The following ZMIZ1 variants were observed in gnomAD, a reference collection of about 807,000 sequenced individuals.
The protein encoded by ZMIZ1 is zinc finger MIZ domain-containing protein 1.
In ZMIZ1, 17 loss-of-function variants were observed where a neutral mutation model predicts 113.9. The ratio of observed to expected loss-of-function variants is 0.15; its 90% CI spans 0.10 to 0.22. ZMIZ1 has a LOEUF of 0.22. Ranked by LOEUF, ZMIZ1 falls within the 10% of genes least tolerant of loss-of-function variation. ZMIZ1 has a pLI of 1.00. For missense variants in ZMIZ1, 1,059 were observed against 1,477.8 expected (o/e 0.72, Z 4.65); for synonymous variants, 607 against 603.1 (o/e 1.01, Z -0.09).
intron 3 of ZMIZ1, among the ~76,000 whole-genome samples, chr10:79,159,183 G>A (rs1050029595): frequency 5.9e-5 from 9 of 152,148 alleles, no homozygotes; most frequent in East Asian, 1.9e-4. Flanking sequence ...ACAAAAGAGC[G>A]CTCCCCTCCA....
intron 7 of ZMIZ1, among the ~76,000 whole-genome samples, chr10:79,246,964 C>T (rs539211334): frequency 2.6e-5 from 4 of 152,332 alleles, no homozygotes; most frequent in South Asian, 2.1e-4. Context: ...CCAGTGGGAA[C>T]GTGTGGTTTA....
chr10:79,139,304 G>A (rs920681053), intron 2 of ZMIZ1, among the ~76,000 whole-genome samples: 2 of 152,166 alleles, frequency 1.3e-5, no homozygotes, highest in African/African-American at 4.8e-5. Flanking sequence ...GCCACGGCAA[G>A]GGCTTTGTAC....
At chr10:79,111,233 G>A (rs1173115538) in intron 1 of ZMIZ1, among the ~76,000 whole-genome samples, 3 of 152,200 alleles carry the variant, frequency 2.0e-5, no homozygotes, top group Admixed American at 6.5e-5. Flanking sequence ...GGCCAGGGCA[G>A]GGAGGAGACA....
At chr10:79,175,090 G>T (rs1300992955) in intron 4 of ZMIZ1, among the ~76,000 whole-genome samples, 1 of 152,210 alleles carries the variant, frequency 6.6e-6, no homozygotes, top group Non-Finnish European at 1.5e-5. Flanking sequence ...AGAGCAAGGG[G>T]GTCCTCGCAA....
At chr10:79,091,205 A>G (rs1842973491) in intron 1 of ZMIZ1, among the ~76,000 whole-genome samples, 1 of 152,096 alleles carries the variant, frequency 6.6e-6, no homozygotes, top group Non-Finnish European at 1.5e-5. Context: ...CATGATGTGC[A>G]ATGGCAGCTG....
At chr10:79,156,457 G>A (rs957585495) in intron 3 of ZMIZ1, among the ~76,000 whole-genome samples, 1 of 152,182 alleles carries the variant, frequency 6.6e-6, no homozygotes, top group Admixed American at 6.5e-5. Flanking sequence ...TTTCTCACCT[G>A]GTGTTCCTGC....
chr10:79,196,815 G>C lies in ZMIZ1; in HGVS notation c.-49-4769G>C, dbSNP rs12218340. Among the ~76,000 whole-genome samples the C allele has an allele frequency of 4.6e-5, 7 of 152,360 alleles. No homozygotes were observed. In the East Asian group the frequency reaches 9.7e-4, roughly 21 times the overall value. On this transcript the variant is annotated intron_variant, in intron 4 of 24. Transcript: ENST00000334512. ...TGTCAGGAGAAAGTTCCTCTTGAGA[G>C]GTAGACCCTTATGGGTCACTGACTT...
intron 7 of ZMIZ1, among the ~76,000 whole-genome samples, chr10:79,250,043 G>C (rs1850452376): frequency 6.6e-6 from 1 of 152,230 alleles, no homozygotes; most frequent in Non-Finnish European, 1.5e-5. Context: ...GAGTAAATGA[G>C]ATGGGGCTAA....
At chr10:79,078,530 C>T (rs1842551734) in intron 1 of ZMIZ1, among the ~76,000 whole-genome samples, 1 of 149,864 alleles carries the variant, frequency 6.7e-6, no homozygotes, top group Admixed American at 6.6e-5. Context: ...GTTTGCTTCA[C>T]TCAGCCTTTC....
At chr10:79,277,752 C>T (rs1229011655) in intron 8 of ZMIZ1, among the ~76,000 whole-genome samples, 2 of 152,204 alleles carry the variant, frequency 1.3e-5, no homozygotes, top group East Asian at 3.9e-4. Flanking sequence ...GGGCTGGGTC[C>T]ACCAGAAGCC....
rs148371013 is a variant in ZMIZ1, at chr10:79,074,260, A to G, written c.-337+4990A>G. Among the ~76,000 whole-genome samples, 668 of 152,324 alleles carry G rather than the reference A, an allele frequency of 4.4e-3. 7 individuals are homozygous for G. The highest frequency in any genetic ancestry group is 0.016 in the African/African-American group (649 of 41,568). ...CCAACCCCTGCGCTGCCTCCTTTCC[A>G]GTCCACTGAGTGAGCGCTCCAGCCA... On this transcript the variant is annotated intron_variant, in intron 1 of 24. Coordinates refer to ENST00000334512, the MANE Select transcript of ZMIZ1 (RefSeq NM_020338.4).
At chr10:79,261,508 T>C (rs1851269790) in intron 7 of ZMIZ1, among the ~76,000 whole-genome samples, 1 of 152,198 alleles carries the variant, frequency 6.6e-6, no homozygotes, top group Non-Finnish European at 1.5e-5. Context: ...GAGCCTGGCC[T>C]GAACTGCAGA....
intron 17 of ZMIZ1, among the ~76,000 whole-genome samples, chr10:79,301,410 C>T (rs919043284): frequency 1.3e-5 from 2 of 152,056 alleles, no homozygotes; most frequent in Non-Finnish European, 2.9e-5. Context: ...CTTAGAGTCA[C>T]GTATGGGGGT....
At chr10:79,210,235 C>A (rs925307797) in intron 6 of ZMIZ1, among the ~76,000 whole-genome samples, 2 of 152,216 alleles carry the variant, frequency 1.3e-5, no homozygotes, top group African/African-American at 4.8e-5. Flanking sequence ...TGCCCCGAGC[C>A]TGACCCTGTC....
chr10:79,186,897 C>T (rs1048083328), intron 4 of ZMIZ1, among the ~76,000 whole-genome samples: 1 of 152,226 alleles, frequency 6.6e-6, no homozygotes, highest in African/African-American at 2.4e-5. Context: ...TGCCCACTCT[C>T]TTAACCATCT....
At chr10:79,232,087 T>C (rs1849416902) in intron 7 of ZMIZ1, among the ~76,000 whole-genome samples, 1 of 152,216 alleles carries the variant, frequency 6.6e-6, no homozygotes, top group East Asian at 1.9e-4. Context: ...TTTAGAGCTG[T>C]GTGACTTTAA....
Position 79,311,060 on chromosome 10 carries a change from G to T in ZMIZ1, c.2972G>T (p.Arg991Leu). ...CCTCCTCCTCCTTCCCAGCCTCCCC[G>T]GCAGCCGCCACAGGCCGCTCCCAGC... Reference protein sequence around the residue: ...APPPPPSQPPRQPPQAAPSSH... With the variant: ...APPPPPSQPPLQPPQAAPSSH... The change falls in exon 24 of 25, where the codon CGG (arginine) becomes CTG (leucine). Residue 991 changes from arginine (R) to leucine (L), a missense_variant. Arg to Leu is a moderately radical substitution (Grantham distance 102). Transcript: ENST00000334512. 1 of 1,613,376 alleles carries T rather than the reference G, an allele frequency of 6.2e-7. No individual in the cohort carries two copies. The highest frequency in any genetic ancestry group is 8.5e-7 in the Non-Finnish European group (1 of 1,179,994).
In ZMIZ1 at chr10:79,242,105, G is replaced by A. The variant is rs1849860278; in HGVS notation, c.280+25831G>A. The stretch of plus-strand genomic sequence containing the variant: ...GATGACAGGGAGTGCCCACGAAAGA[G>A]GAAGGGGCGAAGATCTCTGGAGGTG... On this transcript the variant is annotated intron_variant, in intron 7 of 24. Transcript: ENST00000334512. Among the ~76,000 whole-genome samples the A allele has an allele frequency of 2.6e-5, 4 of 152,168 alleles. No individual in the cohort carries two copies. In the South Asian group the frequency reaches 8.3e-4, roughly 32 times the overall value.
intron 1 of ZMIZ1, among the ~76,000 whole-genome samples, chr10:79,091,916 C>T (rs1204584890): frequency 1.3e-5 from 2 of 152,168 alleles, no homozygotes; most frequent in African/African-American, 2.4e-5. Context: ...CAGGGAGCCA[C>T]CTGGGTTGGA....
Sources: allele counts gnomAD v4.1 joint callset (sites outside exome capture counted in the v4.1 genomes callset), GRCh38; gene constraint gnomAD v4.1.1; transcripts MANE v1.5; gene names NCBI Gene and HGNC (gene_info 2026-07-23, HGNC 2026-07-21).